The following GPHN variants were observed in gnomAD, a reference collection of about 807,000 sequenced individuals.
GPHN encodes the protein gephyrin.
In GPHN, 17 loss-of-function variants were observed where a neutral mutation model predicts 95.5. The ratio of observed to expected loss-of-function variants is 0.18; its 90% confidence interval spans 0.12 to 0.27. The LOEUF (loss-of-function observed/expected upper bound fraction) is 0.27. GPHN is among the 10% of genes least tolerant of loss of function. The probability of loss-of-function intolerance (pLI) is 1.00; values close to 1 mark genes in which losing one functional copy is unlikely to be tolerated. For missense variants in GPHN, 660 were observed against 978.1 expected (o/e 0.67, Z 4.34); for synonymous variants, 320 against 322.5 (o/e 0.99, Z 0.08).
At chr14:67,720,742 G>A in the GPHN span, 2 of 152,192 alleles carry the variant, frequency 1.3e-5, no homozygotes, top group Non-Finnish European at 2.9e-5. Context: ...TCAATGATAT[G>A]ATGGTGGCCT....
At chr14:66,523,818 T>G (rs368229336) in intron 1 of GPHN, among the ~76,000 whole-genome samples, 68 of 152,242 alleles carry the variant, frequency 4.5e-4, no homozygotes, top group African/African-American at 1.5e-3. Context: ...AAGCAACCTG[T>G]ACAACTTTTG....
At chr14:66,589,059 A>G (rs930921037) in intron 1 of GPHN, among the ~76,000 whole-genome samples, 7 of 152,336 alleles carry the variant, frequency 4.6e-5, no homozygotes, top group Middle Eastern at 6.8e-3. Context: ...ACAAGCCAGA[A>G]GAGAGTGGGG....
chr14:67,253,845 A>G, the GPHN span, among the ~76,000 whole-genome samples: 17 of 142,584 alleles, frequency 1.2e-4, no homozygotes, highest in African/African-American at 4.5e-4. Flanking sequence ...TCTCAAAAAG[A>G]AAAAAAAAAA....
intron 11 of GPHN, among the ~76,000 whole-genome samples, chr14:67,084,975 G>A (rs957956408): frequency 2.6e-5 from 4 of 152,180 alleles, no homozygotes; most frequent in Non-Finnish European, 4.4e-5. Flanking sequence ...TGTGCTAAAC[G>A]ATTCTTAAAC....
chr14:66,908,386 C>G lies in GPHN; in HGVS notation c.390-7617C>G, dbSNP rs1225945793. On this transcript the variant is annotated intron_variant, in intron 5 of 22. Transcript: ENST00000478722. ...GTAAAAATGTGAGCAACAAAATAAG[C>G]AACAAGCAGTATCTTATTATAATCC... 3.9e-5 allele frequency among the ~76,000 whole-genome samples: 6 copies of G among 152,122 alleles called. No homozygotes were observed. In the East Asian group the frequency reaches 1.2e-3, roughly 29 times the overall value.
intron 8 of GPHN, among the ~76,000 whole-genome samples, chr14:66,959,319 A>G (rs955247191): frequency 6.6e-6 from 1 of 152,032 alleles, no homozygotes; most frequent in Non-Finnish European, 1.5e-5. Flanking sequence ...ACAAACAAAA[A>G]TATACGTGAG....
At position 66,957,265 on chromosome 14, in the gene GPHN, G is replaced by A. The variant is rs182637828; in HGVS notation, c.829-7926G>A. Among the ~76,000 whole-genome samples, 395 of 130,292 alleles carry A rather than the reference G, an allele frequency of 3.0e-3. 1 individual carries two copies. Among genetic ancestry groups the A allele is most frequent in the Middle Eastern group, 5.4e-3 (1 of 186 alleles). 85.5% of individuals were successfully genotyped at this position (130,292 alleles called of 152,430 possible). On this transcript the variant is annotated intron_variant, in intron 8 of 22. Coordinates refer to ENST00000478722, the MANE Select transcript of GPHN (RefSeq NM_020806.5). ...GGCTGAAGTGCAGTGGCACAATCTCGGCTCACTGAAACCTCCACCTCCTGA... is the reference window on the plus strand; with the variant it reads ...GGCTGAAGTGCAGTGGCACAATCTCAGCTCACTGAAACCTCCACCTCCTGA...
chr14:67,524,722 A>G, the GPHN span, among the ~76,000 whole-genome samples: 1 of 152,200 alleles, frequency 6.6e-6, no homozygotes, highest in Non-Finnish European at 1.5e-5. Context: ...CCAAACCACA[A>G]GAACATACTG....
chr14:66,536,635 T>C (rs55721392), intron 1 of GPHN, among the ~76,000 whole-genome samples: 10,628 of 152,274 alleles, frequency 0.07, 544 homozygotes, highest in Non-Finnish European at 0.11. Flanking sequence ...ATACGTTTCA[T>C]GTGTACTTGA....
At chr14:67,149,881 T>G (rs1047077311) in intron 18 of GPHN, among the ~76,000 whole-genome samples, 4 of 152,148 alleles carry the variant, frequency 2.6e-5, no homozygotes. Flanking sequence ...AATACAGCCT[T>G]TCCAGCAAAA....
chr14:67,650,938 C>CA, the GPHN span: 7 of 1,609,030 alleles, frequency 4.4e-6, no homozygotes, highest in Non-Finnish European at 5.1e-6. Context: ...TGTGCACTGA[C>CA]ATGTTTCACA....
rs189972398 is a variant in GPHN at position 66,843,647 on chromosome 14, C to T, written c.294+19081C>T. On this transcript the variant is annotated intron_variant, in intron 4 of 22. Coordinates refer to ENST00000478722, the MANE Select transcript of GPHN (RefSeq NM_020806.5). ...GCATTGCTCCTCTGTTGTCTTGTAA[C>T]CCTGATCATATTTTATTTCCAATAA... 3.3e-5 allele frequency among the ~76,000 whole-genome samples: 5 copies of T among 152,270 alleles called. No individual in the cohort carries two copies. In the East Asian group the frequency reaches 9.6e-4, roughly 29 times the overall value.
chr14:66,789,110 A>T (rs1364793234), intron 3 of GPHN, among the ~76,000 whole-genome samples: 1 of 152,232 alleles, frequency 6.6e-6, no homozygotes, highest in Non-Finnish European at 1.5e-5. Context: ...GAAAAACTGA[A>T]TAATACCCCT....
chr14:67,400,357 C>T, the GPHN span, among the ~76,000 whole-genome samples: 1 of 152,204 alleles, frequency 6.6e-6, no homozygotes, highest in Non-Finnish European at 1.5e-5. Context: ...TTGTTCCTTA[C>T]TTACATCCAC....
At chr14:67,402,520 C>T in the GPHN span, among the ~76,000 whole-genome samples, 7 of 152,116 alleles carry the variant, frequency 4.6e-5, no homozygotes, top group African/African-American at 1.7e-4. Context: ...AAGTCTTTCT[C>T]ATTCTTTCTA....
chr14:66,626,572 A>G (rs2063535851), intron 1 of GPHN, among the ~76,000 whole-genome samples: 1 of 152,240 alleles, frequency 6.6e-6, no homozygotes, highest in South Asian at 2.1e-4. Flanking sequence ...GCAAGAACCA[A>G]TGTATTAAAT....
At chr14:66,774,583 C>G (rs186666067) in intron 2 of GPHN, among the ~76,000 whole-genome samples, 6 of 152,206 alleles carry the variant, frequency 3.9e-5, no homozygotes, top group Admixed American at 3.3e-4. Flanking sequence ...TATTTTTTCT[C>G]TCAAAAAGTC....
At chr14:67,279,482 T>A in the GPHN span, 4 of 1,593,424 alleles carry the variant, frequency 2.5e-6, no homozygotes, top group East Asian at 2.2e-5. Context: ...ACCCTATGTT[T>A]GATACAGAGG....
chr14:67,153,111 C>T (rs987764432), intron 18 of GPHN, among the ~76,000 whole-genome samples: 3 of 152,126 alleles, frequency 2.0e-5, no homozygotes, highest in African/African-American at 7.2e-5. Flanking sequence ...CCAGCCCAGG[C>T]AACATGGCAA....
Sources: allele counts gnomAD v4.1 joint callset (sites outside exome capture counted in the v4.1 genomes callset), GRCh38; gene constraint gnomAD v4.1.1; transcripts MANE v1.5; gene names NCBI Gene and HGNC (gene_info 2026-07-23, HGNC 2026-07-21).